The following CDK13 variants were observed in gnomAD, a reference collection of about 807,000 sequenced individuals.
The protein encoded by CDK13 is cyclin dependent kinase 13.
A neutral mutation model predicts 137.6 loss-of-function variants in CDK13; 40 were observed. The observed-to-expected ratio is 0.29, with a 90% confidence interval of 0.23 to 0.38. The LOEUF is 0.38. Ranked by LOEUF, CDK13 falls within the 10% of genes least tolerant of loss-of-function variation. CDK13 has a pLI of 1.00. For missense variants in CDK13, 1,704 were observed against 1,951.8 expected (o/e 0.87, Z 2.39); for synonymous variants, 869 against 760.1 (o/e 1.14, Z -2.36).
chr7:40,080,263 C>T (rs541309812), intron 11 of CDK13, among the ~76,000 whole-genome samples: 6 of 152,236 alleles, frequency 3.9e-5, no homozygotes, highest in African/African-American at 1.4e-4. Flanking sequence ...GCTAGGATTA[C>T]AGATTTGAGC....
intron 1 of CDK13, among the ~76,000 whole-genome samples, chr7:39,969,055 G>C (rs1461813519): frequency 6.6e-6 from 1 of 152,102 alleles, no homozygotes; most frequent in Non-Finnish European, 1.5e-5. Flanking sequence ...TCGCTCTGTG[G>C]CTGGAGTGCA....
At chr7:39,966,517 T>G (rs925965610) in intron 1 of CDK13, among the ~76,000 whole-genome samples, 4 of 152,194 alleles carry the variant, frequency 2.6e-5, no homozygotes, top group Admixed American at 1.3e-4. Flanking sequence ...CATCTAATTT[T>G]TTTTCAAGGT....
chr7:40,050,143 C>A (rs1785853004), intron 7 of CDK13, among the ~76,000 whole-genome samples: 1 of 151,980 alleles, frequency 6.6e-6, no homozygotes, highest in African/African-American at 2.4e-5. Context: ...TTTATCCGTC[C>A]ATCTCTTAGT....
chr7:39,966,726 T>A (rs1783880847), intron 1 of CDK13, among the ~76,000 whole-genome samples: 1 of 152,176 alleles, frequency 6.6e-6, no homozygotes, highest in African/African-American at 2.4e-5. Context: ...GCTCTGTTTT[T>A]CCCCATCTTT....
intron 5 of CDK13, among the ~76,000 whole-genome samples, chr7:40,005,783 G>A (rs147863713): frequency 2.4e-3 from 363 of 152,138 alleles, no homozygotes; most frequent in African/African-American, 8.4e-3. Context: ...GCTAGCGTGC[G>A]GTGGCATGCA....
At chr7:40,087,629 A>G (rs1182468582) in intron 11 of CDK13, among the ~76,000 whole-genome samples, 2 of 146,134 alleles carry the variant, frequency 1.4e-5, no homozygotes, top group South Asian at 2.2e-4. Context: ...GCTCACCGCA[A>G]CCTCCACCTC....
At chr7:40,064,306 TG>T (rs1169191676) in intron 9 of CDK13, among the ~76,000 whole-genome samples, 1 of 129,368 alleles carries the variant, frequency 7.7e-6, no homozygotes, top group East Asian at 2.3e-4. Flanking sequence ...AAAAAAAAGG[TG>T]GGGGGGCTTC....
intron 5 of CDK13, among the ~76,000 whole-genome samples, chr7:40,010,364 A>G (rs1447823839): frequency 6.6e-6 from 1 of 152,156 alleles, no homozygotes; most frequent in Non-Finnish European, 1.5e-5. Flanking sequence ...TCAGGCAGTA[A>G]TGCGAGCAGT....
chr7:39,974,264 C>G (rs1193196756), intron 1 of CDK13, among the ~76,000 whole-genome samples: 1 of 151,516 alleles, frequency 6.6e-6, no homozygotes, highest in Non-Finnish European at 1.5e-5. Context: ...CAGGGTTTCA[C>G]TATGTTGCTC....
intron 4 of CDK13, 117 bp from the exon 5 acceptor site, chr7:40,001,744 T>A: frequency 1.3e-6 from 1 of 745,004 alleles, no homozygotes; most frequent in Admixed American, 2.3e-5. Flanking sequence ...GAAACATACT[T>A]TGTGGTTCTA....
At chr7:39,961,981 G>A (rs1314533124) in intron 1 of CDK13, among the ~76,000 whole-genome samples, 1 of 152,110 alleles carries the variant, frequency 6.6e-6, no homozygotes, top group Non-Finnish European at 1.5e-5. Flanking sequence ...ATTTTTTATG[G>A]CTGCATAGTA....
intron 2 of CDK13, among the ~76,000 whole-genome samples, chr7:39,990,915 T>A (rs941422997): frequency 6.6e-6 from 1 of 152,250 alleles, no homozygotes; most frequent in South Asian, 2.1e-4. Flanking sequence ...TGCTTTAGAT[T>A]ATTGAAAAAA....
At chr7:39,993,875 G>A (rs1176982482) in intron 2 of CDK13, among the ~76,000 whole-genome samples, 2 of 152,070 alleles carry the variant, frequency 1.3e-5, no homozygotes, top group African/African-American at 2.4e-5. Flanking sequence ...TAGTAAGGCT[G>A]TGTAACAATT....
chr7:40,034,347 C>T (rs962824027), intron 5 of CDK13, among the ~76,000 whole-genome samples: 1 of 152,142 alleles, frequency 6.6e-6, no homozygotes, highest in Non-Finnish European at 1.5e-5. Flanking sequence ...AATGGCTTTA[C>T]GAAGAGTTGT....
At chr7:40,040,558 A>ACC (rs1176602904) in intron 5 of CDK13, among the ~76,000 whole-genome samples, 4 of 152,192 alleles carry the variant, frequency 2.6e-5, no homozygotes, top group African/African-American at 9.7e-5. Flanking sequence ...ATTGTGAAAA[A>ACC]TTGGGCTGTG....
At chr7:40,019,069 T>A (rs1785061474) in intron 5 of CDK13, among the ~76,000 whole-genome samples, 1 of 152,180 alleles carries the variant, frequency 6.6e-6, no homozygotes, top group Non-Finnish European at 1.5e-5. Context: ...GTGTAAAAGT[T>A]AAATTATAAG....
At chr7:39,974,335 G>A (rs1784060214) in intron 1 of CDK13, among the ~76,000 whole-genome samples, 1 of 151,998 alleles carries the variant, frequency 6.6e-6, no homozygotes, top group Non-Finnish European at 1.5e-5. Flanking sequence ...CAAGGTGTTG[G>A]GATCATAGGC....
At chr7:40,080,974 T>C (rs912232740) in intron 11 of CDK13, among the ~76,000 whole-genome samples, 1 of 145,318 alleles carries the variant, frequency 6.9e-6, no homozygotes, top group African/African-American at 2.7e-5. Context: ...ATTTCCCCAG[T>C]TGACCCAATA....
At chr7:40,047,781 AAATT>A in intron 6 of CDK13, 36 bp from the exon 7 acceptor site, 1 of 1,424,400 alleles carries the variant, frequency 7.0e-7, no homozygotes, top group South Asian at 1.1e-5. Flanking sequence ...AATTAAGAGT[AAATT>A]AATACCTTTT....
Sources: allele counts gnomAD v4.1 joint callset (sites outside exome capture counted in the v4.1 genomes callset), GRCh38; gene constraint gnomAD v4.1.1; transcripts MANE v1.5; gene names NCBI Gene and HGNC (gene_info 2026-07-23, HGNC 2026-07-21).